The following DOK7 variants were observed in gnomAD, a reference collection of about 807,000 sequenced individuals.
DOK7 encodes the protein protein Dok-7.
Under a neutral mutation model 30.7 loss-of-function variants are expected in DOK7, and 32 were observed. The ratio of observed to expected loss-of-function variants is 1.04; its 90% CI spans 0.79 to 1.40. The LOEUF is 1.40. DOK7 is among the 40% of genes most tolerant of loss of function. DOK7 has a pLI of 0.00. For synonymous variants in DOK7, 447 were observed against 324.1 expected (o/e 1.38, Z -4.07); for missense variants, 1,007 against 699.2 (o/e 1.44, Z -4.97).
Position 3,493,283 on chromosome 4 carries a change from G to A in DOK7, c.1297G>A (p.Asp433Asn), listed in dbSNP as rs774060578. The change falls in exon 7 of 7, where the codon GAC (aspartate) becomes AAC (asparagine). Residue 433 changes from aspartate (D) to asparagine (N), a missense_variant. Asp to Asn is a conservative substitution (Grantham distance 23, BLOSUM62 1). Coordinates refer to ENST00000340083, the MANE Select transcript of DOK7 (RefSeq NM_173660.5). ...CAGCCCCGGCAACAGTGCGGCCAGGGACTCAGGCGGCCAGACGTCCGCCGG... is the reference window on the plus strand; with the variant it reads ...CAGCCCCGGCAACAGTGCGGCCAGGAACTCAGGCGGCCAGACGTCCGCCGG... ...QGSPGNSAAR[D>N]SGGQTSAGCP... 3.7e-6 allele frequency: 6 copies of A among 1,609,814 alleles called. No homozygotes were observed. The Admixed American group carries it at 6.7e-5, about 18-fold the overall frequency.
chr4:3,481,757 A>C (rs1727456735), intron 4 of DOK7, among the ~76,000 whole-genome samples: 1 of 152,218 alleles, frequency 6.6e-6, no homozygotes, highest in South Asian at 2.1e-4. Context: ...GGCAGCCACG[A>C]GGGCACTCAA....
chr4:3,465,778 G>A (rs6815437), intron 2 of DOK7, among the ~76,000 whole-genome samples: 25,991 of 152,168 alleles, frequency 0.17, 2,517 homozygotes, highest in South Asian at 0.3. Context: ...TGTCTCCACC[G>A]CGTCCTCACT....
chr4:3,463,541 G>A lies in DOK7; in HGVS notation c.90G>A (p.Ser30=). ...GGTGGCTGGTGCTGCGGAAGCCGTC[G>A]CCCGTGGCAGGTGAGCGGGGCGGGC... ...KSRWLVLRKP[S]PVADCLLMLV... The change falls in exon 2 of 7, where the codon TCG becomes TCA. Residue 30 remains serine (S), a synonymous_variant. Coordinates refer to ENST00000340083, the MANE Select transcript of DOK7 (RefSeq NM_173660.5). 2.2e-6 allele frequency: 3 copies of A among 1,381,506 alleles called. No homozygotes were observed. Among genetic ancestry groups the A allele is most frequent in the African/African-American group, 1.5e-5 (1 of 66,048 alleles). 85.6% of individuals were successfully genotyped at this position (1,381,506 alleles called of 1,614,324 possible). A position where few individuals can be genotyped will look rare whatever the true frequency, so the allele number is the denominator to read the frequency against.
exon 8 of DOK7, chr4:3,500,901 T>C: frequency 6.9e-7 from 1 of 1,458,048 alleles, no homozygotes; most frequent in Middle Eastern, 2.5e-4. Flanking sequence ...CAGCCCCTTC[T>C]GTTGGGCGTG....
intron 2 of DOK7, among the ~76,000 whole-genome samples, chr4:3,469,016 G>A (rs1726564539): frequency 6.8e-6 from 1 of 147,162 alleles, no homozygotes; most frequent in Non-Finnish European, 1.5e-5. Context: ...GTGTATGAGT[G>A]TGTGTGCCTG....
intron 4 of DOK7, chr4:3,484,567 A>G (rs993072668): frequency 2.3e-5 from 23 of 985,318 alleles, no homozygotes; most frequent in Non-Finnish European, 2.4e-6. Flanking sequence ...CCAGGGCTTC[A>G]TTCACCCCTG....
intron 6 of DOK7, among the ~76,000 whole-genome samples, chr4:3,490,393 T>G: frequency 1.3e-5 from 1 of 74,176 alleles, no homozygotes. Flanking sequence ...CCCTGCTCAT[T>G]CAGTCCTTCT....
At chr4:3,472,771 C>T (rs1030299785) in intron 2 of DOK7, among the ~76,000 whole-genome samples, 12 of 152,174 alleles carry the variant, frequency 7.9e-5, no homozygotes, top group African/African-American at 2.4e-4. Flanking sequence ...GGAGGCAGAA[C>T]GCAGGCAGGT....
chr4:3,493,767 T>C lies in DOK7; in HGVS notation c.*266T>C, dbSNP rs904906503. ...CCCAATGCTCAGCTGCTTCACTCCG[T>C]GTCCCCCACCCCTGAGGATCAGGTG... On this transcript the variant is annotated 3_prime_UTR_variant, in exon 7 of 7. Coordinates refer to ENST00000340083, the MANE Select transcript of DOK7 (RefSeq NM_173660.5). The C allele has an allele frequency of 5.0e-6, 7 of 1,390,950 alleles. No individual in the cohort carries two copies. In the African/African-American group the frequency reaches 8.8e-5, roughly 17 times the overall value. 86.2% of individuals were successfully genotyped at this position (1,390,950 alleles called of 1,614,324 possible).
chr4:3,482,956 G>A (rs972955773), intron 4 of DOK7, among the ~76,000 whole-genome samples: 24 of 152,248 alleles, frequency 1.6e-4, no homozygotes, highest in Non-Finnish European at 5.9e-5. Context: ...CAGAGGGGCT[G>A]TCGGGGTCAG....
exon 8 of DOK7, chr4:3,500,835 G>T: frequency 6.6e-7 from 1 of 1,524,974 alleles, no homozygotes; most frequent in Non-Finnish European, 8.8e-7. Context: ...AGGTCACAGC[G>T]CCAGGAGCTG....
intron 6 of DOK7, among the ~76,000 whole-genome samples, chr4:3,490,215 C>G (rs1419657233): frequency 1.1e-5 from 1 of 89,306 alleles, no homozygotes; most frequent in Non-Finnish European, 2.0e-5. Context: ...TCATTCATTC[C>G]TGTCTTCACC....
At position 3,494,360 on chromosome 4, in the gene DOK7, TGGAGCCTGCCCTGACCACAGCCC is replaced by T. The variant is rs755613351; in HGVS notation, c.*860_*882del. Reference sequence around the variant, plus strand: ...CTGGGTGGCTTCCTCTTGCACAGCCTGGAGCCTGCCCTGACCACAGCCCAGCAGCTCCCTGTGAACACCTCTTT... The same window carrying T: ...CTGGGTGGCTTCCTCTTGCACAGCCTAGCAGCTCCCTGTGAACACCTCTTT... On this transcript the variant is annotated 3_prime_UTR_variant, in exon 7 of 7. Coordinates refer to ENST00000340083, the MANE Select transcript of DOK7 (RefSeq NM_173660.5). The T allele has an allele frequency of 1.8e-4, 174 of 985,856 alleles. No homozygotes were observed. Among genetic ancestry groups the T allele is most frequent in the Non-Finnish European group, 2.0e-4 (164 of 830,382 alleles). 61.1% of individuals were successfully genotyped at this position (985,856 alleles called of 1,614,324 possible).
rs773273397 is a variant in DOK7 at position 3,493,329 on chromosome 4, G to A, written c.1343G>A (p.Gly448Asp). 3 of 1,601,408 alleles carry A rather than the reference G, an allele frequency of 1.9e-6. No individual in the cohort carries two copies. The highest frequency in any genetic ancestry group is 2.6e-6 in the Non-Finnish European group (3 of 1,174,326). ...GCCGGGTGTCCCTCTGGCTGGCTGG[G>A]CACGAGACGGCGGGGCCTGGTGATG... Reference protein sequence around the residue: ...TSAGCPSGWLGTRRRGLVMEA... With the variant: ...TSAGCPSGWLDTRRRGLVMEA... Residue 448 changes from glycine to aspartate, a missense_variant, in exon 7 of 7, where the codon GGC (glycine) becomes GAC (aspartate). Coordinates refer to ENST00000340083, the MANE Select transcript of DOK7 (RefSeq NM_173660.5).
At chr4:3,483,713 G>A (rs541018254) in intron 4 of DOK7, among the ~76,000 whole-genome samples, 1 of 152,372 alleles carries the variant, frequency 6.6e-6, no homozygotes, top group African/African-American at 2.4e-5. Flanking sequence ...TGTAAGCTCA[G>A]GATTAGAGAG....
At chr4:3,487,844 A>C (rs1263739318) in intron 5 of DOK7, among the ~76,000 whole-genome samples, 1 of 152,202 alleles carries the variant, frequency 6.6e-6, no homozygotes, top group African/African-American at 2.4e-5. Context: ...CCTGGTCGGA[A>C]TGTCCCAGGG....
At chr4:3,472,005 T>C (rs1726792266) in intron 2 of DOK7, among the ~76,000 whole-genome samples, 1 of 152,274 alleles carries the variant, frequency 6.6e-6, no homozygotes, top group South Asian at 2.1e-4. Flanking sequence ...CTGAGGCTGC[T>C]TTCACGCAGC....
At position 3,493,767 on chromosome 4, in the gene DOK7, T is replaced by G; in HGVS notation, c.*266T>G. The G allele has an allele frequency of 7.2e-7, 1 of 1,391,064 alleles. No individual in the cohort carries two copies. The allele number at this position is 1,391,064 out of a possible 1,614,324, so 86.2% of individuals were successfully genotyped here. A position where few individuals can be genotyped will look rare whatever the true frequency, so the allele number is the denominator to read the frequency against. On this transcript the variant is annotated 3_prime_UTR_variant, in exon 7 of 7. Transcript: ENST00000340083. ...CCCAATGCTCAGCTGCTTCACTCCG[T>G]GTCCCCCACCCCTGAGGATCAGGTG...
intron 6 of DOK7, chr4:3,500,141 C>A (rs1577193621): frequency 2.3e-6 from 3 of 1,307,134 alleles, no homozygotes; most frequent in Non-Finnish European, 3.1e-6. Flanking sequence ...GCAGGAGAGG[C>A]GGAGTGGGGA....
Sources: gnomAD v4.1 joint callset for allele counts (sites outside exome capture counted in the v4.1 genomes callset) on GRCh38, gnomAD v4.1.1 for gene constraint, MANE v1.5 for transcripts, NCBI Gene and HGNC (gene_info 2026-07-23, HGNC 2026-07-21) for gene names.